PTPRT: variants seen among roughly 807,000 people sequenced by gnomAD.
The protein encoded by PTPRT is protein tyrosine phosphatase receptor type T.
A neutral mutation model predicts 176.8 loss-of-function variants in PTPRT; 56 were observed. That is an observed-to-expected ratio of 0.32 (90% CI 0.26 to 0.40). PTPRT has a LOEUF of 0.40. Ranked by LOEUF, PTPRT falls within the 10% of genes least tolerant of loss-of-function variation. PTPRT has a pLI of 1.00. For synonymous variants in PTPRT, 783 were observed against 739.0 expected (o/e 1.06, Z -0.96); for missense variants, 1,540 against 1,908.2 (o/e 0.81, Z 3.60).
chr20:42,810,016 G>A (rs966105569), intron 2 of PTPRT, among the ~76,000 whole-genome samples: 1 of 152,140 alleles, frequency 6.6e-6, no homozygotes, highest in African/African-American at 2.4e-5. Flanking sequence ...GTAGGGGCCG[G>A]GCGCGGTGGC....
chr20:42,743,343 A>G (rs1413511088), intron 6 of PTPRT, among the ~76,000 whole-genome samples: 1 of 152,238 alleles, frequency 6.6e-6, no homozygotes, highest in Non-Finnish European at 1.5e-5. Context: ...GGTTTAGGAA[A>G]GCATGAAAAA....
intron 12 of PTPRT, among the ~76,000 whole-genome samples, chr20:42,295,562 A>G (rs1321196159): frequency 6.6e-6 from 1 of 152,222 alleles, no homozygotes; most frequent in Non-Finnish European, 1.5e-5. Flanking sequence ...GAAATAAGGT[A>G]GGGGTTGGAT....
At chr20:42,649,345 T>C (rs984695649) in intron 7 of PTPRT, among the ~76,000 whole-genome samples, 3 of 152,102 alleles carry the variant, frequency 2.0e-5, no homozygotes, top group Non-Finnish European at 2.9e-5. Context: ...CAATTACCTC[T>C]CACTGGATCC....
At chr20:43,154,535 G>A (rs2014458961) in intron 1 of PTPRT, among the ~76,000 whole-genome samples, 1 of 152,132 alleles carries the variant, frequency 6.6e-6, no homozygotes. Flanking sequence ...TTTTAGGAGT[G>A]TTTTTTCTAT....
At chr20:42,168,615 T>C (rs999937120) in intron 16 of PTPRT, among the ~76,000 whole-genome samples, 2 of 152,234 alleles carry the variant, frequency 1.3e-5, no homozygotes, top group Admixed American at 6.5e-5. Context: ...ATATTTCAAC[T>C]GCTAAAAATT....
chr20:42,108,710 G>GAA (rs1986733047), intron 23 of PTPRT, among the ~76,000 whole-genome samples: 1 of 152,068 alleles, frequency 6.6e-6, no homozygotes, highest in Non-Finnish European at 1.5e-5. Flanking sequence ...GGGAGGGGGA[G>GAA]AAAGAAAACA....
intron 14 of PTPRT, among the ~76,000 whole-genome samples, chr20:42,239,708 C>T (rs939118004): frequency 3.9e-5 from 6 of 152,050 alleles, no homozygotes; most frequent in Non-Finnish European, 7.4e-5. Context: ...AGGCATGAAC[C>T]GCCGTGCCCA....
At chr20:43,058,932 G>A (rs895198748) in intron 1 of PTPRT, among the ~76,000 whole-genome samples, 15 of 152,132 alleles carry the variant, frequency 9.9e-5, no homozygotes, top group African/African-American at 2.9e-4. Flanking sequence ...AGACCACCTC[G>A]GGTGACCAAT....
chr20:42,270,286 G>C (rs1181696561), intron 13 of PTPRT: 1 of 908,238 alleles, frequency 1.1e-6, no homozygotes, highest in Non-Finnish European at 1.7e-6. Flanking sequence ...GGGGGTGGGT[G>C]GGTGGGTGGG....
chr20:42,985,067 A>G (rs951464346), intron 1 of PTPRT, among the ~76,000 whole-genome samples: 2 of 152,190 alleles, frequency 1.3e-5, no homozygotes, highest in East Asian at 3.9e-4. Context: ...TGGGAGCTAC[A>G]GCAGGAGGGA....
intron 7 of PTPRT, among the ~76,000 whole-genome samples, chr20:42,632,157 G>A (rs2074420854): frequency 4.6e-5 from 7 of 152,118 alleles, no homozygotes; most frequent in Admixed American, 4.6e-4. Flanking sequence ...GTCACACACT[G>A]TTGCTGAGAG....
chr20:42,222,533 CT>C (rs2055909403), intron 15 of PTPRT, among the ~76,000 whole-genome samples: 1 of 152,118 alleles, frequency 6.6e-6, no homozygotes, highest in Non-Finnish European at 1.5e-5. Flanking sequence ...GTCTTAAGAC[CT>C]TCCTCTGAGA....
At chr20:42,051,349 G>T in the PTPRT span, among the ~76,000 whole-genome samples, 10 of 152,318 alleles carry the variant, frequency 6.6e-5, no homozygotes, top group African/African-American at 2.4e-4. Flanking sequence ...ACAAGGAATT[G>T]GGTGCAATGG....
In PTPRT at chr20:42,858,851, A is replaced by G. The variant is rs2078610702; in HGVS notation, c.214+26956T>C. ...ACAGGCCACAGACAAGATAGCCAAA[A>G]TCAAAGCCTAGTTGAGAAGGGAATT... is the stretch of plus-strand genomic sequence containing the variant. On this transcript the variant is annotated intron_variant, in intron 2 of 30. Transcript: ENST00000373187. Among the ~76,000 whole-genome samples, 3 of 152,200 alleles carry G rather than the reference A, an allele frequency of 2.0e-5. No individual in the cohort carries two copies. In the South Asian group the frequency reaches 6.2e-4, roughly 31 times the overall value.
chr20:42,385,156 C>A (rs957117402), intron 9 of PTPRT, among the ~76,000 whole-genome samples: 1 of 152,106 alleles, frequency 6.6e-6, no homozygotes, highest in African/African-American at 2.4e-5. Context: ...AAAATCATCG[C>A]CCAGACCAAT....
chr20:42,408,244 C>T (rs1178704957), intron 9 of PTPRT, among the ~76,000 whole-genome samples: 1 of 151,782 alleles, frequency 6.6e-6, no homozygotes, highest in Admixed American at 6.6e-5. Context: ...ATTAAGCTTA[C>T]AATAAAGTAA....
At chr20:42,270,363 T>TGGCCA in intron 13 of PTPRT, 1 of 1,332,718 alleles carries the variant, frequency 7.5e-7, no homozygotes, top group Non-Finnish European at 1.0e-6. Flanking sequence ...TGGGCAACTC[T>TGGCCA]CCCCTCCCAC....
rs534102255 is a variant in PTPRT, at chr20:42,316,056, A to C, written c.1866-60T>G. On this transcript the variant is annotated intron_variant, in intron 11 of 30. Coordinates refer to ENST00000373187, the MANE Select transcript of PTPRT (RefSeq NM_007050.6). ...AACTTTCTGGAAGAATGAGCTTGTT[A>C]GCTCTAATGGTGTCAACCCAACTTC... The C allele has an allele frequency of 3.4e-4, 534 of 1,575,294 alleles. 2 individuals carry two copies. In the South Asian group the frequency reaches 5.4e-3, roughly 16 times the overall value.
At chr20:42,791,504 G>T (rs913746170) in intron 2 of PTPRT, 38 bp from the exon 3 acceptor site, 1 of 1,558,570 alleles carries the variant, frequency 6.4e-7, no homozygotes, top group Admixed American at 1.9e-5. Context: ...TAGAGACAAA[G>T]AGAAAGTAAG....
Sources: allele counts gnomAD v4.1 joint callset (sites outside exome capture counted in the v4.1 genomes callset), GRCh38; gene constraint gnomAD v4.1.1; transcripts MANE v1.5; gene names NCBI Gene and HGNC (gene_info 2026-07-23, HGNC 2026-07-21).